SLC35G1: variants seen among roughly 807,000 people sequenced by gnomAD.
The protein encoded by SLC35G1 is solute carrier family 35 member G1, also known as partner of STIM1.
A neutral mutation model predicts 17.1 loss-of-function variants in SLC35G1; 10 were observed. That is an observed-to-expected ratio of 0.59 (90% CI 0.36 to 0.99). SLC35G1 has a LOEUF of 0.99. SLC35G1 is among the 50% of genes least tolerant of loss of function. The probability of loss-of-function intolerance (pLI) is 0.01; values close to 1 mark genes in which losing one functional copy is unlikely to be tolerated. For synonymous variants in SLC35G1, 185 were observed against 181.1 expected (o/e 1.02, Z -0.18); for missense variants, 433 against 468.4 (o/e 0.92, Z 0.70).
rs1233452181 is a variant in SLC35G1, at chr10:93,901,325, A to G, written c.933A>G (p.Ala311=). ...FITKALQIEK[A]GPVAIMKTMD... ...CAAAAGCACTTCAAATAGAAAAAGC[A>G]GGGCCAGTAGCAATAATGAAGACAA... The change falls in exon 3 of 3, where the codon GCA becomes GCG. Residue 311 remains alanine, a synonymous_variant. Coordinates refer to ENST00000427197, the MANE Select transcript of SLC35G1 (RefSeq NM_001134658.3). The G allele has an allele frequency of 6.2e-7, 1 of 1,614,026 alleles. No individual in the cohort carries two copies. Among genetic ancestry groups the G allele is most frequent in the South Asian group, 1.1e-5 (1 of 91,040 alleles).
rs2060386251 is a variant in SLC35G1, at chr10:93,901,667, G to A, written c.*177G>A. On this transcript the variant is annotated 3_prime_UTR_variant, in exon 3 of 3. Transcript: ENST00000427197. ...GTTAAGAATAGCTAGTCTGTTTGGTGTAACAATTTTTTGGTAGCTTTGGTT... is the reference window on the plus strand; with the variant it reads ...GTTAAGAATAGCTAGTCTGTTTGGTATAACAATTTTTTGGTAGCTTTGGTT... 9 of 687,852 alleles carry A rather than the reference G, an allele frequency of 1.3e-5. No individual in the cohort carries two copies. The Admixed American group carries it at 2.9e-4, about 22-fold the overall frequency. 42.6% of individuals were successfully genotyped at this position (687,852 alleles called of 1,614,324 possible).
chr10:93,894,007 G>C lies in SLC35G1; in HGVS notation c.-27G>C, dbSNP rs971950217. On this transcript the variant is annotated 5_prime_UTR_variant, in exon 1 of 3. Coordinates refer to ENST00000427197, the MANE Select transcript of SLC35G1 (RefSeq NM_001134658.3). The stretch of plus-strand genomic sequence containing the variant: ...GCTGCTGCTGGCGCCAGACGGCACC[G>C]GCCGCTGGTAGAGCGCGTGCCGCGA... The C allele has an allele frequency of 1.5e-6, 2 of 1,362,094 alleles. No individual in the cohort carries two copies. The highest frequency in any genetic ancestry group is 1.9e-6 in the Non-Finnish European group (2 of 1,062,930). 84.4% of individuals were successfully genotyped at this position (1,362,094 alleles called of 1,614,324 possible).
At chr10:93,904,017 A>G (rs370311256), downstream of SLC35G1, among the ~76,000 whole-genome samples, 1 of 152,172 alleles carries the variant, frequency 6.6e-6, no homozygotes, top group Admixed American at 6.5e-5. Flanking sequence ...TCTCTCCAAA[A>G]TAAAGGCATT....
In SLC35G1 at chr10:93,902,139, T is replaced by C. The variant is rs1672262234; in HGVS notation, c.*649T>C. On this transcript the variant is annotated 3_prime_UTR_variant, in exon 3 of 3. Transcript: ENST00000427197. ...TTTCATTTTAATGCTGGAATTTTTATTATGTCACCTCTAAAACACTTAAAT... is the reference window on the plus strand; with the variant it reads ...TTTCATTTTAATGCTGGAATTTTTACTATGTCACCTCTAAAACACTTAAAT... 6.6e-6 allele frequency: 1 copy of C among 152,648 alleles called. No individual in the cohort carries two copies. Among genetic ancestry groups the C allele is most frequent in the South Asian group, 2.1e-4 (1 of 4,830 alleles). The allele number at this position is 152,648 out of a possible 1,614,324, so 9.5% of individuals were successfully genotyped here.
At position 93,901,464 on chromosome 10, in the gene SLC35G1, C is replaced by T. The variant is rs771902633; in HGVS notation, c.1072C>T (p.Arg358Cys). The change falls in exon 3 of 3, where the codon CGT becomes TGT. Residue 358 changes from arginine to cysteine, a missense_variant. Transcript: ENST00000427197. Reference protein sequence around the residue: ...VVASNVGAAIRKWYQSSK With the variant: ...VVASNVGAAICKWYQSSK Reference sequence around the variant, plus strand: ...AGCCAGTAATGTTGGAGCGGCCATTCGTAAATGGTACCAAAGTTCCAAATG... The same window carrying T: ...AGCCAGTAATGTTGGAGCGGCCATTTGTAAATGGTACCAAAGTTCCAAATG... 28 of 1,596,370 alleles carry T rather than the reference C, an allele frequency of 1.8e-5. No homozygotes were observed. The highest frequency in any genetic ancestry group is 2.2e-5 in the Non-Finnish European group (26 of 1,173,182).
Position 93,901,170 on chromosome 10 carries a change from G to A in SLC35G1, c.778G>A (p.Val260Ile). 6.2e-7 allele frequency: 1 copy of A among 1,614,126 alleles called. No homozygotes were observed. Among genetic ancestry groups the A allele is most frequent in the Non-Finnish European group, 8.5e-7 (1 of 1,179,970 alleles). The change falls in exon 3 of 3, where the codon GTA becomes ATA. Residue 260 changes from valine to isoleucine, a missense_variant. Val to Ile is a conservative substitution (Grantham distance 29). Transcript: ENST00000427197. Reference sequence around the variant, plus strand: ...CTTTCTGAGCATTTGGTATTATGTAGTACTTGGCCTCGTTGAAAGTGTCAT... The same window carrying A: ...CTTTCTGAGCATTTGGTATTATGTAATACTTGGCCTCGTTGAAAGTGTCAT... ...DYFLSIWYYV[V>I]LGLVESVIIL...
chr10:93,894,293 G>A lies in SLC35G1; in HGVS notation c.178+82G>A, dbSNP rs939393553. On this transcript the variant is annotated intron_variant, in intron 1 of 2. Transcript: ENST00000427197. ...CGGCGGGTTGGGGTCCCCGCAACCC[G>A]GGCACAGTGCCCGCCGCGCCTCCGT... The A allele has an allele frequency of 2.1e-5, 26 of 1,249,318 alleles. No homozygotes were observed. The African/African-American group carries it at 3.8e-4, about 18-fold the overall frequency. The allele number at this position is 1,249,318 out of a possible 1,614,324, so 77.4% of individuals were successfully genotyped here.
chr10:93,895,885 T>C (rs916404555), intron 1 of SLC35G1, among the ~76,000 whole-genome samples: 8 of 152,158 alleles, frequency 5.3e-5, no homozygotes, highest in African/African-American at 9.7e-5. Flanking sequence ...CCTCACATCC[T>C]CTGGAGGGAG....
chr10:93,897,746 C>G (rs536135655), intron 1 of SLC35G1, among the ~76,000 whole-genome samples: 1 of 152,214 alleles, frequency 6.6e-6, no homozygotes, highest in African/African-American at 2.4e-5. Flanking sequence ...GGAGAAAGCA[C>G]TGGTTTCCTC....
intron 1 of SLC35G1, among the ~76,000 whole-genome samples, chr10:93,897,581 T>G (rs756537786): frequency 1.3e-5 from 2 of 152,228 alleles, no homozygotes; most frequent in African/African-American, 2.4e-5. Flanking sequence ...TTTAGGGCAT[T>G]CTCTGCCCAC....
downstream of SLC35G1, among the ~76,000 whole-genome samples, chr10:93,906,080 A>G (rs1413848858): frequency 6.6e-6 from 1 of 152,240 alleles, no homozygotes; most frequent in Non-Finnish European, 1.5e-5. Context: ...ATTAAGCTGT[A>G]TGTGCCAAGA....
chr10:93,894,523 G>C (rs1358941225), intron 1 of SLC35G1, among the ~76,000 whole-genome samples: 1 of 152,124 alleles, frequency 6.6e-6, no homozygotes, highest in Non-Finnish European at 1.5e-5. Context: ...CCTCCCCTAG[G>C]TCGTAGGTGG....
chr10:93,900,470 C>T (rs1002807592), intron 2 of SLC35G1, among the ~76,000 whole-genome samples: 1 of 151,852 alleles, frequency 6.6e-6, no homozygotes, highest in South Asian at 2.1e-4. Context: ...TATACATATA[C>T]GTGGGATAAA....
downstream of SLC35G1, chr10:93,908,667 C>G (rs541676849): frequency 6.6e-6 from 1 of 152,238 alleles, no homozygotes; most frequent in East Asian, 1.9e-4. Context: ...ATAAACAATC[C>G]TAGCCAATGC....
At position 93,901,307 on chromosome 10, in the gene SLC35G1, A is replaced by G; in HGVS notation, c.915A>G (p.Ala305=). The change falls in exon 3 of 3, where the codon GCA becomes GCG. Residue 305 remains alanine, a synonymous_variant. Transcript: ENST00000427197. ...GLGGQIFITK[A]LQIEKAGPVA... is the part of the protein sequence containing the mutation. ...GGGGTCAGATATTTATCACAAAAGC[A>G]CTTCAAATAGAAAAAGCAGGGCCAG... 6.2e-7 allele frequency: 1 copy of G among 1,613,994 alleles called. No individual in the cohort carries two copies.
chr10:93,896,511 C>T lies in SLC35G1; in HGVS notation c.179-2060C>T, dbSNP rs569170208. On this transcript the variant is annotated intron_variant, in intron 1 of 2. Coordinates refer to ENST00000427197, the MANE Select transcript of SLC35G1 (RefSeq NM_001134658.3). ...ATGAACATGGAACCTAAACAAATGC[C>T]TCTTTCAGTTATGCTAGTCATGCTC... is the stretch of plus-strand genomic sequence containing the variant. Among the ~76,000 whole-genome samples the T allele has an allele frequency of 1.7e-3, 253 of 152,256 alleles. 1 individual carries two copies. The highest frequency in any genetic ancestry group is 3.5e-3 in the Admixed American group (53 of 15,294).
downstream of SLC35G1, among the ~76,000 whole-genome samples, chr10:93,904,806 C>T (rs1347416136): frequency 6.6e-6 from 1 of 152,180 alleles, no homozygotes; most frequent in Non-Finnish European, 1.5e-5. Context: ...AGGATGAAAA[C>T]ATTAAGTATT....
chr10:93,901,138 T>C lies in SLC35G1; in HGVS notation c.746T>C (p.Val249Ala), dbSNP rs751558049. The C allele has an allele frequency of 6.2e-6, 10 of 1,614,130 alleles. No individual in the cohort carries two copies. The South Asian group carries it at 9.9e-5, about 16-fold the overall frequency. The change falls in exon 3 of 3, where the codon GTG (valine) becomes GCG (alanine). Residue 249 changes from valine to alanine, a missense_variant. By Grantham distance (64) the Val-to-Ala change is moderately conservative. Transcript: ENST00000427197. ...ATCCTAAGAAAAATGGGAAAATCTG[T>C]GGACTACTTTCTGAGCATTTGGTAT... ...LVILRKMGKS[V>A]DYFLSIWYYV... is the part of the protein sequence containing the mutation.
chr10:93,909,374 C>T (rs190559519), exon 3 of SLC35G1: 3 of 151,828 alleles, frequency 2.0e-5, no homozygotes, highest in African/African-American at 7.3e-5. Context: ...ACTTCAAGCT[C>T]AAATCCTCTT....
Sources: allele counts gnomAD v4.1 joint callset (sites outside exome capture counted in the v4.1 genomes callset), GRCh38; gene constraint gnomAD v4.1.1; transcripts MANE v1.5; gene names NCBI Gene and HGNC (gene_info 2026-07-23, HGNC 2026-07-21).